The following SEMA3C variants were observed in gnomAD, a reference collection of about 807,000 sequenced individuals.
SEMA3C encodes semaphorin-3C.
SEMA3C carries 47 observed loss-of-function variants against 89.4 expected under a neutral mutation model. The ratio of observed to expected loss-of-function variants is 0.53; its 90% CI spans 0.42 to 0.67. The LOEUF is 0.67. SEMA3C is among the 30% of genes least tolerant of loss of function. SEMA3C has a pLI of 0.00. For synonymous variants in SEMA3C, 310 were observed against 320.2 expected, an observed-to-expected ratio of 0.97 and a Z score of 0.34; for missense variants, 839 against 929.1, an observed-to-expected ratio of 0.90 and a Z score of 1.26.
intron 13 of SEMA3C, among the ~76,000 whole-genome samples, chr7:80,763,840 T>C (rs1788239360): frequency 6.6e-6 from 1 of 152,166 alleles, no homozygotes; most frequent in Admixed American, 6.5e-5. Context: ...CTGGTTAATC[T>C]AGTGAAATAA....
chr7:80,853,574 G>A (rs1790566524), intron 2 of SEMA3C, among the ~76,000 whole-genome samples: 1 of 152,096 alleles, frequency 6.6e-6, no homozygotes, highest in African/African-American at 2.4e-5. Flanking sequence ...AAAAGCAATT[G>A]AACTCAGGGA....
At chr7:80,814,041 GT>G (rs1279768251) in intron 5 of SEMA3C, among the ~76,000 whole-genome samples, 1 of 147,082 alleles carries the variant, frequency 6.8e-6, no homozygotes, top group African/African-American at 2.5e-5. Context: ...AACCAACATA[GT>G]CTTTTTTTCC....
In SEMA3C at chr7:80,787,125, G is replaced by A. The variant is rs577927285; in HGVS notation, c.1354+2181C>T. Among the ~76,000 whole-genome samples the A allele has an allele frequency of 3.4e-4, 51 of 152,234 alleles. 1 individual carries two copies. Among genetic ancestry groups the A allele is most frequent in the Non-Finnish European group, 1.8e-4 (12 of 68,004 alleles). The stretch of plus-strand genomic sequence containing the variant: ...AGGGGACCATAAGGCCAGGCACAGA[G>A]GTTCATGCCTGTAATCCCAGCACTT... On this transcript the variant is annotated intron_variant, in intron 12 of 17. Coordinates refer to ENST00000265361, the MANE Select transcript of SEMA3C (RefSeq NM_006379.5).
chr7:80,829,611 T>C (rs1199871082), intron 2 of SEMA3C, among the ~76,000 whole-genome samples: 2 of 152,182 alleles, frequency 1.3e-5, no homozygotes, highest in Non-Finnish European at 2.9e-5. Flanking sequence ...TTCATATATC[T>C]AAGGAAAATA....
chr7:80,807,640 G>A (rs111228996), intron 6 of SEMA3C, among the ~76,000 whole-genome samples: 1 of 152,036 alleles, frequency 6.6e-6, no homozygotes, highest in Non-Finnish European at 1.5e-5. Flanking sequence ...AGTTATGTAG[G>A]CTCTTTAAAA....
At chr7:80,770,704 G>A (rs1026510500) in intron 12 of SEMA3C, among the ~76,000 whole-genome samples, 3 of 152,198 alleles carry the variant, frequency 2.0e-5, no homozygotes, top group Non-Finnish European at 4.4e-5. Flanking sequence ...TCCGGCTCCA[G>A]GGAGGCCCAC....
chr7:80,746,945 T>C (rs2886792), intron 17 of SEMA3C, among the ~76,000 whole-genome samples: 138,594 of 152,072 alleles, frequency 0.91, 64,059 homozygotes, highest in Non-Finnish European at 0.99. Flanking sequence ...TATGAACTAT[T>C]TGCCTTTGCT....
chr7:80,869,603 A>C (rs1791009777), intron 2 of SEMA3C, among the ~76,000 whole-genome samples: 1 of 152,166 alleles, frequency 6.6e-6, no homozygotes, highest in Non-Finnish European at 1.5e-5. Context: ...CTGTGGCAGG[A>C]GTAAAGTGAA....
chr7:80,838,121 T>G (rs1297103297), intron 2 of SEMA3C, among the ~76,000 whole-genome samples: 2 of 152,120 alleles, frequency 1.3e-5, no homozygotes, highest in African/African-American at 2.4e-5. Context: ...CATGAAATAT[T>G]AATACTTTAT....
chr7:80,751,206 C>T, intron 16 of SEMA3C, 63 bp downstream of exon 16: 1 of 1,311,888 alleles, frequency 7.6e-7, no homozygotes, highest in Non-Finnish European at 1.1e-6. Flanking sequence ...TTTCCCCTTA[C>T]TGAAATGTGA....
intron 7 of SEMA3C, among the ~76,000 whole-genome samples, chr7:80,804,671 C>T (rs946232041): frequency 2.6e-5 from 4 of 151,980 alleles, no homozygotes; most frequent in Admixed American, 2.6e-4. Context: ...ATGCAACATA[C>T]GAAATGAAGG....
At position 80,776,621 on chromosome 7, in the gene SEMA3C, C is replaced by G. The variant is rs563145628; in HGVS notation, c.1355-11378G>C. ...ATTTATATACTTTTGTTATACACAC[C>G]AGTGCTTTACTTTTATCTACAAATT... On this transcript the variant is annotated intron_variant, in intron 12 of 17. Transcript: ENST00000265361. Among the ~76,000 whole-genome samples the G allele has an allele frequency of 1.3e-3, 204 of 152,282 alleles. 1 individual carries two copies. The highest frequency in any genetic ancestry group is 4.7e-3 in the African/African-American group (194 of 41,562).
At chr7:80,806,312 T>C (rs1315369519) in intron 6 of SEMA3C, among the ~76,000 whole-genome samples, 1 of 152,114 alleles carries the variant, frequency 6.6e-6, no homozygotes, top group Non-Finnish European at 1.5e-5. Context: ...TCTAAGATCA[T>C]CCTAAATGGA....
intron 2 of SEMA3C, among the ~76,000 whole-genome samples, chr7:80,831,325 T>A (rs1362782339): frequency 6.6e-6 from 1 of 152,176 alleles, no homozygotes; most frequent in Non-Finnish European, 1.5e-5. Flanking sequence ...AATAATAGCA[T>A]CTACCTCATT....
chr7:80,870,628 T>G (rs939343533), intron 2 of SEMA3C, among the ~76,000 whole-genome samples: 1 of 152,242 alleles, frequency 6.6e-6, no homozygotes, highest in African/African-American at 2.4e-5. Context: ...GAGGAACACC[T>G]ATTTTACAAA....
At chr7:80,746,221 G>T (rs888424812) in intron 17 of SEMA3C, among the ~76,000 whole-genome samples, 2 of 151,970 alleles carry the variant, frequency 1.3e-5, no homozygotes, top group Non-Finnish European at 2.9e-5. Context: ...TGTGCAAATG[G>T]ACAAGATATT....
chr7:80,788,063 A>G (rs1788844954), intron 12 of SEMA3C, among the ~76,000 whole-genome samples: 1 of 152,244 alleles, frequency 6.6e-6, no homozygotes, highest in Admixed American at 6.5e-5. Flanking sequence ...AGGATAAAAT[A>G]AAAACCTTAT....
chr7:80,801,841 G>C lies in SEMA3C; in HGVS notation c.916+824C>G, dbSNP rs117388656. Reference sequence around the variant, plus strand: ...ATACTTAGAACTTTTCTCTAGAAAAGCTTATCTAGAAACTTTTGTTCCATA... The same window carrying C: ...ATACTTAGAACTTTTCTCTAGAAAACCTTATCTAGAAACTTTTGTTCCATA... On this transcript the variant is annotated intron_variant, in intron 9 of 17. Transcript: ENST00000265361. Among the ~76,000 whole-genome samples, 770 of 152,044 alleles carry C rather than the reference G, an allele frequency of 5.1e-3. 40 individuals carry two copies. The East Asian group carries it at 0.11, about 22-fold the overall frequency.
At chr7:80,797,809 C>T (rs1045001321) in intron 11 of SEMA3C, among the ~76,000 whole-genome samples, 2 of 152,102 alleles carry the variant, frequency 1.3e-5, no homozygotes, top group African/African-American at 2.4e-5. Context: ...ACCAGCCTGA[C>T]CAACATGGTG....
Sources: gnomAD v4.1 joint callset for allele counts (sites outside exome capture counted in the v4.1 genomes callset) on GRCh38, gnomAD v4.1.1 for gene constraint, MANE v1.5 for transcripts, NCBI Gene and HGNC (gene_info 2026-07-23, HGNC 2026-07-21) for gene names.